Variants in TMEM117 observed in about 807,000 individuals in gnomAD.
TMEM117 encodes the protein transmembrane protein 117.
TMEM117 carries 27 observed loss-of-function variants against 52.4 expected under a neutral mutation model. The observed-to-expected ratio is 0.51, with a 90% CI of 0.38 to 0.71. The LOEUF is 0.71. TMEM117 is among the 30% of genes least tolerant of loss of function. TMEM117 has a pLI of 0.00. For synonymous variants in TMEM117, 215 were observed against 206.3 expected (o/e 1.04, Z -0.36); for missense variants, 556 against 630.5 (o/e 0.88, Z 1.26).
chr12:44,260,454 A>G (rs1401836431), intron 5 of TMEM117, among the ~76,000 whole-genome samples: 2 of 152,242 alleles, frequency 1.3e-5, no homozygotes, highest in Non-Finnish European at 2.9e-5. Context: ...ATACTTACAA[A>G]GAAAAAGTGC....
intron 5 of TMEM117, among the ~76,000 whole-genome samples, chr12:44,256,425 T>G (rs1382499638): frequency 6.6e-6 from 1 of 152,036 alleles, no homozygotes; most frequent in African/African-American, 2.4e-5. Context: ...ATCACATATT[T>G]CAATAAAGTT....
chr12:43,845,651 A>G (rs1943193901), intron 2 of TMEM117, among the ~76,000 whole-genome samples: 1 of 151,922 alleles, frequency 6.6e-6, no homozygotes, highest in African/African-American at 2.4e-5. Context: ...CGTTAACTCA[A>G]CATTTACATT....
At chr12:43,973,608 G>A (rs1945626769) in intron 3 of TMEM117, among the ~76,000 whole-genome samples, 1 of 152,192 alleles carries the variant, frequency 6.6e-6, no homozygotes, top group African/African-American at 2.4e-5. Flanking sequence ...TTTTGAAACT[G>A]TCATTGCATT....
intron 5 of TMEM117, among the ~76,000 whole-genome samples, chr12:44,288,761 A>G (rs755304415): frequency 2.6e-5 from 4 of 152,212 alleles, no homozygotes; most frequent in Non-Finnish European, 5.9e-5. Flanking sequence ...GTATATGTTT[A>G]AAGTGCACAA....
intron 2 of TMEM117, among the ~76,000 whole-genome samples, chr12:43,869,606 T>C (rs555209027): frequency 3.9e-5 from 6 of 152,252 alleles, no homozygotes; most frequent in Admixed American, 2.0e-4. Flanking sequence ...CTCCCTGTAC[T>C]GTGTATGCCG....
chr12:44,368,110 C>T (rs1565763525), intron 6 of TMEM117, among the ~76,000 whole-genome samples: 1 of 152,124 alleles, frequency 6.6e-6, no homozygotes, highest in Non-Finnish European at 1.5e-5. Context: ...ATATGATCCT[C>T]CTCCAGAGCT....
intron 3 of TMEM117, among the ~76,000 whole-genome samples, chr12:44,026,965 ACT>A (rs1339364834): frequency 2.0e-5 from 3 of 151,340 alleles, no homozygotes; most frequent in African/African-American, 7.3e-5. Flanking sequence ...CATTTCGATA[ACT>A]CTTTCATTAA....
intron 5 of TMEM117, among the ~76,000 whole-genome samples, chr12:44,298,560 A>G (rs1423877556): frequency 1.3e-5 from 2 of 150,874 alleles, no homozygotes; most frequent in East Asian, 1.9e-4. Flanking sequence ...AAAAGTCAGC[A>G]TTAAAGACTA....
intron 3 of TMEM117, among the ~76,000 whole-genome samples, chr12:44,141,697 T>A (rs1443524188): frequency 6.6e-6 from 1 of 152,142 alleles, no homozygotes; most frequent in Non-Finnish European, 1.5e-5. Flanking sequence ...TAATCCTTTA[T>A]AGTAATGTTG....
In TMEM117 at chr12:43,899,470, A is replaced by G. The variant is rs73098860; in HGVS notation, c.278-44740A>G. 9.5e-3 allele frequency among the ~76,000 whole-genome samples: 1,453 copies of G among 152,328 alleles called. 11 individuals are homozygous for G. The highest frequency in any genetic ancestry group is 0.041 in the Middle Eastern group (12 of 294). The stretch of plus-strand genomic sequence containing the variant: ...TTCATATATTCATTTTTAAGTGGCA[A>G]TAATAACCAGCCTCCTATCATGATC... On this transcript the variant is annotated intron_variant, in intron 2 of 7. Transcript: ENST00000266534.
intron 4 of TMEM117, among the ~76,000 whole-genome samples, chr12:44,164,249 T>A (rs944997784): frequency 1.3e-5 from 2 of 152,136 alleles, no homozygotes; most frequent in Admixed American, 1.3e-4. Context: ...GGTAAAGTGG[T>A]TTTTGGTTAC....
At chr12:43,891,098 A>G (rs1247861871) in intron 2 of TMEM117, among the ~76,000 whole-genome samples, 19 of 152,088 alleles carry the variant, frequency 1.2e-4, no homozygotes, top group Admixed American at 9.2e-4. Flanking sequence ...ATATGATACA[A>G]TCATCTTTGA....
At chr12:44,056,356 A>G (rs1947055165) in intron 3 of TMEM117, among the ~76,000 whole-genome samples, 1 of 152,056 alleles carries the variant, frequency 6.6e-6, no homozygotes, top group African/African-American at 2.4e-5. Flanking sequence ...ACTTTTCCAA[A>G]CCTCTTTTCT....
At chr12:43,819,723 C>T in the TMEM117 span, among the ~76,000 whole-genome samples, 2 of 151,784 alleles carry the variant, frequency 1.3e-5, no homozygotes, top group Non-Finnish European at 2.9e-5. Flanking sequence ...TTGCGGTGAG[C>T]CGAGATTGCG....
chr12:44,383,038 C>G (rs557609065), intron 7 of TMEM117, among the ~76,000 whole-genome samples: 19 of 152,214 alleles, frequency 1.2e-4, no homozygotes, highest in African/African-American at 4.1e-4. Flanking sequence ...AATTCATCTT[C>G]TTCAAGGCCA....
At chr12:43,973,192 C>T (rs1308264028) in intron 3 of TMEM117, among the ~76,000 whole-genome samples, 7 of 152,082 alleles carry the variant, frequency 4.6e-5, no homozygotes, top group Non-Finnish European at 1.0e-4. Context: ...AAAATAGGGT[C>T]TGTGACACCT....
At chr12:43,926,652 G>T (rs1214549838) in intron 2 of TMEM117, among the ~76,000 whole-genome samples, 1 of 152,080 alleles carries the variant, frequency 6.6e-6, no homozygotes, top group African/African-American at 2.4e-5. Context: ...TTTACCGAAA[G>T]GTGCTTGCAC....
chr12:44,150,632 A>G (rs1483751601), intron 4 of TMEM117, among the ~76,000 whole-genome samples: 1 of 152,164 alleles, frequency 6.6e-6, no homozygotes, highest in Non-Finnish European at 1.5e-5. Flanking sequence ...AGGGAAGTAA[A>G]TGTGGTCATT....
intron 5 of TMEM117, among the ~76,000 whole-genome samples, chr12:44,229,640 G>A (rs1015035162): frequency 1.3e-5 from 2 of 152,044 alleles, no homozygotes; most frequent in Non-Finnish European, 2.9e-5. Flanking sequence ...CTAATCTCTG[G>A]AAGACTTTCC....
Sources: allele counts gnomAD v4.1 joint callset (sites outside exome capture counted in the v4.1 genomes callset), GRCh38; gene constraint gnomAD v4.1.1; transcripts MANE v1.5; gene names NCBI Gene and HGNC (gene_info 2026-07-23, HGNC 2026-07-21).